EDEM3: variants seen among roughly 807,000 people sequenced by gnomAD.
EDEM3 encodes the protein ER degradation-enhancing alpha-mannosidase-like protein 3.
Under a neutral mutation model 110.2 loss-of-function variants are expected in EDEM3, and 60 were observed. The ratio of observed to expected loss-of-function variants is 0.54; its 90% CI spans 0.44 to 0.67. The LOEUF (loss-of-function observed/expected upper bound fraction) is 0.67, where lower values mean the gene tolerates loss of function less well. EDEM3 is among the 30% of genes least tolerant of loss of function. The pLI, the probability that EDEM3 is intolerant of heterozygous loss-of-function variation, is 0.00. For missense variants in EDEM3, 996 were observed against 1,121.0 expected, an observed-to-expected ratio of 0.89 and a Z score of 1.59; for synonymous variants, 352 against 382.9, an observed-to-expected ratio of 0.92 and a Z score of 0.94.
chr1:184,732,185 A>C (rs1316346993), intron 6 of EDEM3, among the ~76,000 whole-genome samples: 5 of 151,852 alleles, frequency 3.3e-5, no homozygotes, highest in Non-Finnish European at 4.4e-5. Flanking sequence ...CCCCCCACCA[A>C]AAAAAAGAAA....
intron 19 of EDEM3, among the ~76,000 whole-genome samples, chr1:184,700,691 C>G (rs528468010): frequency 1.8e-4 from 28 of 151,918 alleles, no homozygotes; most frequent in Non-Finnish European, 3.8e-4. Flanking sequence ...GATTCTGATG[C>G]AGGGGAGAAA....
intron 19 of EDEM3, chr1:184,701,479 T>C: frequency 7.9e-7 from 1 of 1,261,080 alleles, no homozygotes; most frequent in Middle Eastern, 2.4e-4. Context: ...TTAAGGCTTG[T>C]TAATGCAAGA....
rs146748771 is a variant in EDEM3, at chr1:184,748,356, A to T, written c.204+1191T>A. 1.3e-3 allele frequency among the ~76,000 whole-genome samples: 203 copies of T among 152,056 alleles called. 3 individuals are homozygous for T. The East Asian group carries it at 0.035, about 26-fold the overall frequency. ...CAGCTACTCAGGAGGCTGAGGCAGG[A>T]GAATCACTTGAACCTGGGAGGTGGT... On this transcript the variant is annotated intron_variant, in intron 2 of 19. Transcript: ENST00000318130.
At chr1:184,737,171 A>G (rs772535745) in intron 3 of EDEM3, 107 bp from the exon 4 acceptor site, 8 of 935,306 alleles carry the variant, frequency 8.6e-6, no homozygotes, top group Non-Finnish European at 1.4e-5. Flanking sequence ...TCTATAAATT[A>G]GTACTTCCAT....
intron 2 of EDEM3, among the ~76,000 whole-genome samples, chr1:184,746,358 G>T (rs10489698): frequency 0.029 from 4,439 of 152,312 alleles, 79 homozygotes; most frequent in Middle Eastern, 0.061. Context: ...CAAGTTCTAT[G>T]TACTATCTGG....
chr1:184,752,876 A>G (rs1652841205), intron 1 of EDEM3, among the ~76,000 whole-genome samples: 1 of 152,226 alleles, frequency 6.6e-6, no homozygotes. Context: ...GCAAATGTGG[A>G]TCATATTCAT....
chr1:184,696,352 T>C (rs1649326420), intron 19 of EDEM3, among the ~76,000 whole-genome samples: 1 of 151,910 alleles, frequency 6.6e-6, no homozygotes, highest in African/African-American at 2.4e-5. Flanking sequence ...CAACCACCTG[T>C]CCCCTTTCAT....
At chr1:184,718,284 A>C (rs1650666940) in intron 11 of EDEM3, among the ~76,000 whole-genome samples, 1 of 152,144 alleles carries the variant, frequency 6.6e-6, no homozygotes, top group Non-Finnish European at 1.5e-5. Context: ...TTATTCAATA[A>C]CATAATCAAT....
intron 5 of EDEM3, among the ~76,000 whole-genome samples, chr1:184,733,440 A>G (rs936470100): frequency 1.4e-4 from 21 of 152,244 alleles, no homozygotes; most frequent in African/African-American, 4.6e-4. Context: ...GAGTAGACTC[A>G]CTTTGACAAA....
chr1:184,710,747 A>G (rs1650181522), intron 15 of EDEM3, among the ~76,000 whole-genome samples, 200 bp from the exon 16 acceptor site: 1 of 152,176 alleles, frequency 6.6e-6, no homozygotes, highest in Non-Finnish European at 1.5e-5. Context: ...TTCTAGTTAT[A>G]AAAGTTTGTA....
At chr1:184,724,153 T>G (rs149216492) in intron 7 of EDEM3, among the ~76,000 whole-genome samples, 1 of 152,034 alleles carries the variant, frequency 6.6e-6, no homozygotes, top group Non-Finnish European at 1.5e-5. Context: ...TCTACTCTTG[T>G]AGCACAAGTT....
chr1:184,749,610 G>C lies in EDEM3; in HGVS notation c.159-18C>G. 11 of 1,110,768 alleles carry C rather than the reference G, an allele frequency of 9.9e-6. No individual in the cohort carries two copies. The highest frequency in any genetic ancestry group is 3.1e-5 in the East Asian group (1 of 32,574). The allele number at this position is 1,110,768 out of a possible 1,614,324, so 68.8% of individuals were successfully genotyped here. The stretch of plus-strand genomic sequence containing the variant: ...CTTGATTCCTAATTTTAAAAGAGCA[G>C]AAATGGAAAAAAAAAAAAAAAAAGG... On this transcript the variant is annotated intron_variant, in intron 1 of 19. Coordinates refer to ENST00000318130, the MANE Select transcript of EDEM3 (RefSeq NM_025191.4).
chr1:184,745,487 C>A (rs1652380011), intron 2 of EDEM3, among the ~76,000 whole-genome samples: 1 of 151,946 alleles, frequency 6.6e-6, no homozygotes, highest in African/African-American at 2.4e-5. Context: ...GAGATGAATG[C>A]ACAACAATAT....
chr1:184,752,864 T>G (rs1445555452), intron 1 of EDEM3, among the ~76,000 whole-genome samples: 2 of 152,176 alleles, frequency 1.3e-5, no homozygotes, highest in Non-Finnish European at 2.9e-5. Flanking sequence ...ACTTCCTCAT[T>G]TGCAAATGTG....
Position 184,737,644 on chromosome 1 carries a change from G to T in EDEM3, c.272C>A (p.Pro91Gln), listed in dbSNP as rs1651907671. ...GGCATCATCAACGTCACCGCGACTT[G>T]GCTCTTGGCCTCTAACTCGACCTCT... ...TCRGRVRGQE[P>Q]SRGDVDDALG... The change falls in exon 3 of 20, where the codon CCA becomes CAA. Residue 91 changes from proline to glutamine, a missense_variant. Physicochemically the swap from Pro to Gln is moderately conservative, Grantham distance 76. Coordinates refer to ENST00000318130, the MANE Select transcript of EDEM3 (RefSeq NM_025191.4). 1.2e-6 allele frequency: 2 copies of T among 1,613,900 alleles called. No homozygotes were observed. The highest frequency in any genetic ancestry group is 1.3e-5 in the African/African-American group (1 of 74,920).
At chr1:184,729,695 G>A (rs1651391981) in intron 6 of EDEM3, among the ~76,000 whole-genome samples, 1 of 152,012 alleles carries the variant, frequency 6.6e-6, no homozygotes, top group Admixed American at 6.5e-5. Context: ...AGAAAGGATG[G>A]GACAGCAGTT....
chr1:184,712,333 CAT>C, intron 14 of EDEM3, 98 bp downstream of exon 14: 1 of 1,045,646 alleles, frequency 9.6e-7, no homozygotes, highest in African/African-American at 1.7e-5. Context: ...TCTTACCATA[CAT>C]ATATTTATTG....
In EDEM3 at chr1:184,708,492, T is replaced by C. The variant is rs543576328; in HGVS notation, c.1846-148A>G. On this transcript the variant is annotated intron_variant, in intron 16 of 19. Coordinates refer to ENST00000318130, the MANE Select transcript of EDEM3 (RefSeq NM_025191.4). Reference sequence around the variant, plus strand: ...CACCAAGTATTTATGACCTTATTTGTACTCAAAAATAATACTTTCAGAAAT... The same window carrying C: ...CACCAAGTATTTATGACCTTATTTGCACTCAAAAATAATACTTTCAGAAAT... The C allele has an allele frequency of 1.0e-5, 7 of 699,532 alleles. No homozygotes were observed. In the African/African-American group the frequency reaches 1.1e-4, roughly 11 times the overall value. 43.3% of individuals were successfully genotyped at this position (699,532 alleles called of 1,614,324 possible).
At chr1:184,717,433 T>C (rs1033835272) in intron 12 of EDEM3, 107 bp downstream of exon 12, 25 of 784,192 alleles carry the variant, frequency 3.2e-5, no homozygotes, top group Admixed American at 9.4e-5. Flanking sequence ...CCAATCATTA[T>C]AATATTAAAA....
Sources: allele counts gnomAD v4.1 joint callset (sites outside exome capture counted in the v4.1 genomes callset), GRCh38; gene constraint gnomAD v4.1.1; transcripts MANE v1.5; gene names NCBI Gene and HGNC (gene_info 2026-07-23, HGNC 2026-07-21).